CDC14B: variants seen among roughly 807,000 people sequenced by gnomAD.
CDC14B encodes cell division cycle 14B.
Under a neutral mutation model 64.2 loss-of-function variants are expected in CDC14B, and 22 were observed. The ratio of observed to expected loss-of-function variants is 0.34; its 90% CI spans 0.24 to 0.49. CDC14B has a LOEUF of 0.49. Among genes scored for constraint, CDC14B ranks in the 20% least tolerant of loss-of-function variants. The pLI, the probability that CDC14B is intolerant of heterozygous loss-of-function variation, is 0.99. For synonymous variants in CDC14B, 191 were observed against 215.8 expected (o/e 0.89, Z 1.01); for missense variants, 498 against 629.9 (o/e 0.79, Z 2.24).
intron 9 of CDC14B, among the ~76,000 whole-genome samples, chr9:96,528,291 G>A (rs1333689833): frequency 6.6e-6 from 1 of 152,158 alleles, no homozygotes; most frequent in Non-Finnish European, 1.5e-5. Context: ...GGAGGCCAAG[G>A]CGGGTGGACT....
At chr9:96,614,253 T>G (rs1847492458) in intron 1 of CDC14B, among the ~76,000 whole-genome samples, 1 of 151,974 alleles carries the variant, frequency 6.6e-6, no homozygotes, top group Non-Finnish European at 1.5e-5. Context: ...TTTTTTTTTT[T>G]GAGACGGAGT....
intron 1 of CDC14B, among the ~76,000 whole-genome samples, chr9:96,583,370 TTTATTA>T (rs60483659): frequency 0.033 from 4,561 of 139,064 alleles, 94 homozygotes; most frequent in Non-Finnish European, 0.045. Context: ...GTTGTATTTA[TTTATTA>T]TTATTATTAT....
intron 9 of CDC14B, among the ~76,000 whole-genome samples, chr9:96,530,061 T>C (rs1250733449): frequency 6.6e-6 from 1 of 152,220 alleles, no homozygotes; most frequent in Non-Finnish European, 1.5e-5. Context: ...TCCTCAAAAA[T>C]GTTTTATACA....
At chr9:96,546,769 A>G (rs1056191735) in intron 5 of CDC14B, among the ~76,000 whole-genome samples, 2 of 151,804 alleles carry the variant, frequency 1.3e-5, no homozygotes, top group Non-Finnish European at 2.9e-5. Flanking sequence ...ATTTTTAAAC[A>G]TGTAGGTAAA....
chr9:96,517,149 G>A (rs1483596655), intron 12 of CDC14B, among the ~76,000 whole-genome samples: 1 of 150,544 alleles, frequency 6.6e-6, no homozygotes, highest in African/African-American at 2.4e-5. Context: ...AGACCAGCCT[G>A]GCCAACATGG....
chr9:96,541,864 A>G lies in CDC14B; in HGVS notation c.526T>C (p.Tyr176His), dbSNP rs1208853741. ...RDAAYGSCNFYITLLDCFHAV... is the reference protein window; with the variant it reads ...RDAAYGSCNFHITLLDCFHAV... ...TGAAAACAGTCAAGAAGTGTAATGT[A>G]GAAATTGCAACTTCCATAGGCAGCA... The change falls in exon 6 of 14, where the codon TAC becomes CAC. Residue 176 changes from tyrosine (Y) to histidine (H), a missense_variant. Transcript: ENST00000375241. 1.2e-6 allele frequency: 2 copies of G among 1,609,920 alleles called. No homozygotes were observed. Among genetic ancestry groups the G allele is most frequent in the South Asian group, 1.1e-5 (1 of 90,380 alleles).
At chr9:96,592,921 T>C (rs1179785684) in intron 1 of CDC14B, among the ~76,000 whole-genome samples, 4 of 152,176 alleles carry the variant, frequency 2.6e-5, no homozygotes, top group Admixed American at 6.5e-5. Context: ...TTGGTATTCA[T>C]CTACAATGTA....
chr9:96,565,510 T>A, intron 1 of CDC14B, 27 bp from the exon 2 acceptor site: 1 of 1,423,872 alleles, frequency 7.0e-7, no homozygotes, highest in Non-Finnish European at 9.9e-7. Flanking sequence ...GCAATGTTCC[T>A]TCCTGGAGGT....
intron 4 of CDC14B, among the ~76,000 whole-genome samples, chr9:96,554,461 A>G (rs912784889): frequency 3.3e-5 from 5 of 152,202 alleles, no homozygotes; most frequent in African/African-American, 1.2e-4. Context: ...TCAAAGCAAA[A>G]ATAGTCTGTA....
rs1564198533 is a variant in CDC14B at position 96,509,651 on chromosome 9, AAG to A, written c.1460+20_1460+21del. On this transcript the variant is annotated intron_variant, in intron 13 of 13. Coordinates refer to ENST00000375241, the MANE Select transcript of CDC14B (RefSeq NM_033331.4). ...AAAACAAACGCTTGCAACTTTTCAG[AAG>A]AGTAGGATTCTTTTCTCACCTTTTA... The A allele has an allele frequency of 7.1e-7, 1 of 1,417,270 alleles. No homozygotes were observed. 87.8% of individuals were successfully genotyped at this position (1,417,270 alleles called of 1,614,324 possible).
At chr9:96,554,142 C>T (rs913490670) in intron 4 of CDC14B, among the ~76,000 whole-genome samples, 3 of 152,086 alleles carry the variant, frequency 2.0e-5, no homozygotes, top group African/African-American at 2.4e-5. Context: ...CCAGCATGGG[C>T]GACAGACCAA....
At chr9:96,593,604 G>C (rs1396075215) in intron 1 of CDC14B, among the ~76,000 whole-genome samples, 1 of 151,368 alleles carries the variant, frequency 6.6e-6, no homozygotes, top group Non-Finnish European at 1.5e-5. Flanking sequence ...TTGTTTCTTC[G>C]TGGAAGGCAA....
At chr9:96,496,585 G>A (rs1013770737), downstream of CDC14B, among the ~76,000 whole-genome samples, 2 of 152,232 alleles carry the variant, frequency 1.3e-5, no homozygotes, top group Non-Finnish European at 2.9e-5. Flanking sequence ...TTAAGGACAC[G>A]CCAACCGCGG....
rs115597491 is a variant in CDC14B, at chr9:96,565,933, T to A, written c.161-450A>T. The stretch of plus-strand genomic sequence containing the variant: ...TAAAGGGAAAGAATGCTTTCAAAAT[T>A]GCTTCAAAATTACCGCTTACAGCTA... On this transcript the variant is annotated intron_variant, in intron 1 of 13. Coordinates refer to ENST00000375241, the MANE Select transcript of CDC14B (RefSeq NM_033331.4). Among the ~76,000 whole-genome samples the A allele has an allele frequency of 8.5e-3, 1,297 of 152,346 alleles. 19 individuals are homozygous for A. The highest frequency in any genetic ancestry group is 0.029 in the African/African-American group (1,206 of 41,582).
chr9:96,530,479 C>T (rs1838294565), intron 9 of CDC14B, among the ~76,000 whole-genome samples: 1 of 149,790 alleles, frequency 6.7e-6, no homozygotes, highest in Non-Finnish European at 1.5e-5. Context: ...GGGGTTTCAC[C>T]GTGTTGCCCA....
At chr9:96,562,995 G>C (rs1843420481) in intron 3 of CDC14B, among the ~76,000 whole-genome samples, 1 of 152,188 alleles carries the variant, frequency 6.6e-6, no homozygotes, top group South Asian at 2.1e-4. Context: ...AATTAGAGAA[G>C]AGGGGAGGGG....
At chr9:96,554,181 AAAC>A (rs1842199625) in intron 4 of CDC14B, among the ~76,000 whole-genome samples, 1 of 152,176 alleles carries the variant, frequency 6.6e-6, no homozygotes, top group Non-Finnish European at 1.5e-5. Flanking sequence ...AAAAACAAAA[AAAC>A]AAAACAAAAC....
chr9:96,562,969 A>G (rs1188887711), intron 3 of CDC14B, among the ~76,000 whole-genome samples, 184 bp from the exon 4 acceptor site: 1 of 152,194 alleles, frequency 6.6e-6, no homozygotes, highest in East Asian at 1.9e-4. Flanking sequence ...ACATTCTGGG[A>G]TGAGAATGAA....
At chr9:96,572,279 C>T (rs961641761) in intron 1 of CDC14B, among the ~76,000 whole-genome samples, 1 of 152,194 alleles carries the variant, frequency 6.6e-6, no homozygotes, top group Non-Finnish European at 1.5e-5. Context: ...TGAACCCAAA[C>T]AGGGGATACC....
Sources: allele counts gnomAD v4.1 joint callset (sites outside exome capture counted in the v4.1 genomes callset), GRCh38; gene constraint gnomAD v4.1.1; transcripts MANE v1.5; gene names NCBI Gene and HGNC (gene_info 2026-07-23, HGNC 2026-07-21).